GINS1: variants seen among roughly 807,000 people sequenced by gnomAD.
The protein encoded by GINS1 is GINS complex subunit 1.
Under a neutral mutation model 34.9 loss-of-function variants are expected in GINS1, and 26 were observed. That is an observed-to-expected ratio of 0.74 (90% CI 0.55 to 1.03). GINS1 has a LOEUF of 1.03. GINS1 is among the 50% of genes least tolerant of loss of function. GINS1 has a pLI of 0.00. For synonymous variants in GINS1, 97 were observed against 84.4 expected (o/e 1.15, Z -0.82); for missense variants, 235 against 237.9 (o/e 0.99, Z 0.08).
chr20:25,433,253 G>A (rs1234733788), intron 5 of GINS1, among the ~76,000 whole-genome samples: 1 of 151,984 alleles, frequency 6.6e-6, no homozygotes, highest in Non-Finnish European at 1.5e-5. Flanking sequence ...GCAATGGACT[G>A]GGGAATAATA....
At chr20:25,409,444 G>A (rs1304878618) in intron 1 of GINS1, among the ~76,000 whole-genome samples, 1 of 152,166 alleles carries the variant, frequency 6.6e-6, no homozygotes, top group Non-Finnish European at 1.5e-5. Flanking sequence ...AACATGACTT[G>A]TAGCTATTAG....
At chr20:25,434,796 G>A (rs529609649) in intron 5 of GINS1, among the ~76,000 whole-genome samples, 2 of 152,318 alleles carry the variant, frequency 1.3e-5, no homozygotes, top group South Asian at 4.1e-4. Flanking sequence ...CAAAGTGCCA[G>A]CAGATTCATT....
chr20:25,445,182 A>G (rs575634519), intron 6 of GINS1, among the ~76,000 whole-genome samples: 15 of 152,326 alleles, frequency 9.8e-5, no homozygotes, highest in African/African-American at 3.6e-4. Context: ...ATGGATTAAA[A>G]CAGCAAATAT....
At chr20:25,427,666 G>A (rs570048997) in intron 5 of GINS1, among the ~76,000 whole-genome samples, 1 of 152,142 alleles carries the variant, frequency 6.6e-6, no homozygotes, top group South Asian at 2.1e-4. Flanking sequence ...TTCAAATAGG[G>A]TTTTGTTGTT....
At chr20:25,445,278 T>C (rs1298461336) in intron 6 of GINS1, among the ~76,000 whole-genome samples, 1 of 152,090 alleles carries the variant, frequency 6.6e-6, no homozygotes, top group Non-Finnish European at 1.5e-5. Flanking sequence ...CACCCCCAGG[T>C]TCAAGTGATT....
intron 5 of GINS1, among the ~76,000 whole-genome samples, chr20:25,438,020 G>A (rs1172834124): frequency 2.6e-5 from 4 of 151,684 alleles, no homozygotes; most frequent in African/African-American, 9.7e-5. Flanking sequence ...TCAGGAATTT[G>A]AGGCGGGAGA....
chr20:25,408,950 C>T (rs138101208), intron 1 of GINS1: 57 of 982,870 alleles, frequency 5.8e-5, no homozygotes, highest in East Asian at 1.1e-4. Flanking sequence ...GAATTCACCA[C>T]GCTAAGTGAT....
chr20:25,432,333 C>T (rs1339309724), intron 5 of GINS1, among the ~76,000 whole-genome samples: 5 of 149,316 alleles, frequency 3.3e-5, no homozygotes, highest in Non-Finnish European at 5.9e-5. Context: ...TTTTTTGAGA[C>T]GGAGTCTCAC....
At chr20:25,411,274 CAAAAAG>C (rs1295453850) in intron 1 of GINS1, 1 of 151,926 alleles carries the variant, frequency 6.6e-6, no homozygotes, top group East Asian at 1.9e-4. Context: ...ATCCCTGTCT[CAAAAAG>C]GAAAAGGTAA....
Position 25,413,777 on chromosome 20 carries a change from T to G in GINS1, c.76-13T>G. On this transcript the variant is annotated splice_polypyrimidine_tract_variant and intron_variant, in intron 1 of 6. Coordinates refer to ENST00000262460, the MANE Select transcript of GINS1 (RefSeq NM_021067.5). Reference sequence around the variant, plus strand: ...GAAATCAGTGGATTTCAATATCGGTTTATATGTTCTAGGAGGATGGACTCA... The same window carrying G: ...GAAATCAGTGGATTTCAATATCGGTGTATATGTTCTAGGAGGATGGACTCA... 6.6e-7 allele frequency: 1 copy of G among 1,509,262 alleles called. No homozygotes were observed. The highest frequency in any genetic ancestry group is 2.3e-5 in the East Asian group (1 of 44,404). The allele number at this position is 1,509,262 out of a possible 1,614,324, so 93.5% of individuals were successfully genotyped here.
At chr20:25,425,379 C>T (rs183244227) in intron 5 of GINS1, 52 bp downstream of exon 5, 41 of 773,664 alleles carry the variant, frequency 5.3e-5, no homozygotes, top group Non-Finnish European at 8.7e-5. Context: ...AATTGTGCTA[C>T]CTTTTAAGAA....
intron 1 of GINS1, among the ~76,000 whole-genome samples, chr20:25,412,192 A>G (rs1328588478): frequency 1.3e-5 from 2 of 152,142 alleles, no homozygotes; most frequent in African/African-American, 2.4e-5. Context: ...AAAAACTCCT[A>G]TGGCCGGTTT....
Position 25,446,051 on chromosome 20 carries a change from C to T in GINS1, c.*60C>T. 2.4e-6 allele frequency: 2 copies of T among 839,652 alleles called. No individual in the cohort carries two copies. The highest frequency in any genetic ancestry group is 1.5e-5 in the South Asian group (1 of 64,544). The allele number at this position is 839,652 out of a possible 1,614,324, so 52.0% of individuals were successfully genotyped here. ...TCATGGACTCCTCTGTACTCACTCT[C>T]TCCACCACTCCCTTCACCTCCCTCT... is the stretch of plus-strand genomic sequence containing the variant. On this transcript the variant is annotated 3_prime_UTR_variant, in exon 7 of 7. Transcript: ENST00000262460.
At chr20:25,420,833 C>G in intron 4 of GINS1, 5 of 957,308 alleles carry the variant, frequency 5.2e-6, no homozygotes, top group Non-Finnish European at 6.2e-6. Flanking sequence ...TATACATGGT[C>G]TCGTTCTCTT....
intron 3 of GINS1, among the ~76,000 whole-genome samples, chr20:25,417,716 AGTGGTAGCGG>A (rs1185410272): frequency 1.3e-5 from 2 of 151,934 alleles, no homozygotes; most frequent in Non-Finnish European, 2.9e-5. Flanking sequence ...ATTAGCTGGG[AGTGGTAGCGG>A]GTGCCTAATC....
chr20:25,434,458 TAA>T (rs2090443430), intron 5 of GINS1, among the ~76,000 whole-genome samples: 1 of 152,070 alleles, frequency 6.6e-6, no homozygotes, highest in Admixed American at 6.6e-5. Context: ...CTTTTTTTTT[TAA>T]AGAGACAAGG....
intron 6 of GINS1, among the ~76,000 whole-genome samples, chr20:25,444,420 A>G (rs895476248): frequency 2.0e-5 from 3 of 152,190 alleles, no homozygotes; most frequent in Non-Finnish European, 2.9e-5. Flanking sequence ...CAGCATTAGT[A>G]TGGACATTAA....
chr20:25,422,355 C>T (rs1201988769), intron 4 of GINS1, among the ~76,000 whole-genome samples: 1 of 151,950 alleles, frequency 6.6e-6, no homozygotes, highest in Admixed American at 6.6e-5. Context: ...GGATGGATTG[C>T]CTGAGCTCAC....
At chr20:25,440,240 A>T (rs1302534146) in intron 5 of GINS1, among the ~76,000 whole-genome samples, 1 of 151,324 alleles carries the variant, frequency 6.6e-6, no homozygotes, top group Non-Finnish European at 1.5e-5. Flanking sequence ...ACTTCAGGTG[A>T]TCCACCTGCC....
Sources: allele counts gnomAD v4.1 joint callset (sites outside exome capture counted in the v4.1 genomes callset), GRCh38; gene constraint gnomAD v4.1.1; transcripts MANE v1.5; gene names NCBI Gene and HGNC (gene_info 2026-07-23, HGNC 2026-07-21).